The following SPECC1 variants were observed in gnomAD, a reference collection of about 807,000 sequenced individuals.
The protein encoded by SPECC1 is sperm antigen with calponin homology and coiled-coil domains 1, also known as cytospin-B.
SPECC1 carries 62 observed loss-of-function variants against 104.1 expected under a neutral mutation model. The ratio of observed to expected loss-of-function variants is 0.60; its 90% CI spans 0.49 to 0.74. SPECC1 has a LOEUF of 0.74. Among genes scored for constraint, SPECC1 ranks in the 30% least tolerant of loss-of-function variants. SPECC1 has a pLI of 0.00. For missense variants in SPECC1, 1,306 were observed against 1,310.5 expected, an observed-to-expected ratio of 1.00 and a Z score of 0.05; for synonymous variants, 513 against 501.6, an observed-to-expected ratio of 1.02 and a Z score of -0.30.
intron 1 of SPECC1, among the ~76,000 whole-genome samples, chr17:20,088,779 T>C (rs2047282768): frequency 6.6e-6 from 1 of 152,070 alleles, no homozygotes; most frequent in South Asian, 2.1e-4. Context: ...CCCCCCAAAA[T>C]TTATCTGTTG....
At chr17:20,083,086 C>G (rs2047047341) in intron 1 of SPECC1, among the ~76,000 whole-genome samples, 1 of 152,064 alleles carries the variant, frequency 6.6e-6, no homozygotes, top group Non-Finnish European at 1.5e-5. Context: ...CTGACCACAC[C>G]AACTATATCT....
chr17:20,181,007 AAG>A (rs1022511084), intron 3 of SPECC1, among the ~76,000 whole-genome samples: 12 of 152,276 alleles, frequency 7.9e-5, no homozygotes, highest in Admixed American at 7.2e-4. Context: ...GGTAAAAAAA[AAG>A]AGATGATTAT....
At position 20,050,599 on chromosome 17, in the gene SPECC1, A is replaced by G. The variant is rs1190522208; in HGVS notation, c.-22+41175A>G. Among the ~76,000 whole-genome samples the G allele has an allele frequency of 2.0e-5, 3 of 152,334 alleles. No homozygotes were observed. In the East Asian group the frequency reaches 5.8e-4, roughly 29 times the overall value. ...ACAATCTGCTATTCATTGTTAGGGCATGTGTTTAGTTACCTACTTTGAATT... is the reference window on the plus strand; with the variant it reads ...ACAATCTGCTATTCATTGTTAGGGCGTGTGTTTAGTTACCTACTTTGAATT... On this transcript the variant is annotated intron_variant, in intron 1 of 14. Transcript: ENST00000395527.
Position 20,134,651 on chromosome 17 carries a change from A to G in SPECC1, c.283+24089A>G, listed in dbSNP as rs543569469. Among the ~76,000 whole-genome samples the G allele has an allele frequency of 3.7e-4, 56 of 152,124 alleles. No homozygotes were observed. In the South Asian group the frequency reaches 4.8e-3, roughly 13 times the overall value. On this transcript the variant is annotated intron_variant, in intron 3 of 14. Transcript: ENST00000395527. ...TATTTTTTTGAGACAGGGTCTCACTATGTTGCCCAGGCTAGTCTCCAACTC... is the reference window on the plus strand; with the variant it reads ...TATTTTTTTGAGACAGGGTCTCACTGTGTTGCCCAGGCTAGTCTCCAACTC...
Position 20,232,317 on chromosome 17 carries a change from G to C in SPECC1, c.2263G>C (p.Glu755Gln). ...ELRTVKRKLL[E>Q]EEEKNARLQK... ...GCGCACCGTGAAGAGGAAACTGCTG[G>C]AGGAGGAGGAGAAGAATGCCCGGTT... The change falls in exon 7 of 15, where the codon GAG (glutamate) becomes CAG (glutamine). Residue 755 changes from glutamate (E) to glutamine (Q), a missense_variant. This residue lies in a region of SPECC1 where 1,177 missense variants were observed against 1,139.9 expected (regional missense o/e 1.03). Transcript: ENST00000395527. The C allele has an allele frequency of 6.2e-7, 1 of 1,614,166 alleles. No homozygotes were observed. The highest frequency in any genetic ancestry group is 8.5e-7 in the Non-Finnish European group (1 of 1,180,024).
At position 20,260,218 on chromosome 17, in the gene SPECC1, C is replaced by G. The variant is rs1386683432; in HGVS notation, c.2864C>G (p.Ala955Gly). The G allele has an allele frequency of 8.7e-6, 14 of 1,613,780 alleles. No homozygotes were observed. Among genetic ancestry groups the G allele is most frequent in the Non-Finnish European group, 1.2e-5 (14 of 1,179,868 alleles). The change falls in exon 12 of 15, where the codon GCC becomes GGC. Residue 955 changes from alanine to glycine, a missense_variant. Physicochemically the swap from Ala to Gly is moderately conservative, Grantham distance 60 (BLOSUM62 0). This residue lies in a region of SPECC1 where 129 missense variants were observed against 170.6 expected (regional missense o/e 0.76). Coordinates refer to ENST00000395527, the MANE Select transcript of SPECC1 (RefSeq NM_001243439.2). Reference sequence around the variant, plus strand: ...GTGGAAAGAAAAGACCCTCTGGCAGCCTTGGCCCGGGAATACGGTGGTTCC... The same window carrying G: ...GTGGAAAGAAAAGACCCTCTGGCAGGCTTGGCCCGGGAATACGGTGGTTCC... ...LSVERKDPLA[A>G]LAREYGGSKR...
chr17:20,015,670 T>C (rs2044094573), intron 1 of SPECC1, among the ~76,000 whole-genome samples: 1 of 144,912 alleles, frequency 6.9e-6, no homozygotes, highest in Non-Finnish European at 1.5e-5. Context: ...CTGCAAGCTC[T>C]GCCTCCCAGG....
chr17:20,051,072 CTTT>C (rs2045730372), intron 1 of SPECC1, among the ~76,000 whole-genome samples: 2 of 57,118 alleles, frequency 3.5e-5, no homozygotes, highest in Non-Finnish European at 7.3e-5. Context: ...CTTTCTTTTT[CTTT>C]CTTTCTTTCT....
chr17:20,120,205 G>A (rs1006745453), intron 3 of SPECC1, among the ~76,000 whole-genome samples: 4 of 152,124 alleles, frequency 2.6e-5, no homozygotes, highest in Admixed American at 1.3e-4. Context: ...CCAACATGGC[G>A]AAACCCCTTC....
chr17:20,085,431 T>G (rs2047140278), intron 1 of SPECC1, among the ~76,000 whole-genome samples: 1 of 152,248 alleles, frequency 6.6e-6, no homozygotes, highest in Admixed American at 6.5e-5. Context: ...GTTGCTGTAC[T>G]TGCTGTTCCT....
At chr17:20,116,923 G>C (rs888966438) in intron 3 of SPECC1, among the ~76,000 whole-genome samples, 15 of 149,610 alleles carry the variant, frequency 1.0e-4, no homozygotes, top group Non-Finnish European at 2.1e-4. Context: ...CGTCCCTGCA[G>C]TGGAGAGTGT....
intron 3 of SPECC1, among the ~76,000 whole-genome samples, chr17:20,193,745 T>C (rs1181454535): frequency 6.6e-6 from 1 of 152,216 alleles, no homozygotes; most frequent in East Asian, 1.9e-4. Flanking sequence ...AGTAAAGTTA[T>C]TCCAAGTAAA....
intron 3 of SPECC1, among the ~76,000 whole-genome samples, chr17:20,117,588 A>G (rs1196866006): frequency 6.6e-6 from 1 of 151,834 alleles, no homozygotes; most frequent in African/African-American, 2.4e-5. Flanking sequence ...GGAGTTGAAG[A>G]CCAGCCTGGG....
chr17:20,066,146 T>C (rs921541505), intron 1 of SPECC1, among the ~76,000 whole-genome samples: 2 of 152,186 alleles, frequency 1.3e-5, no homozygotes, highest in Admixed American at 6.5e-5. Flanking sequence ...GCTTTTTACC[T>C]TTTTTACAAA....
intron 1 of SPECC1, among the ~76,000 whole-genome samples, chr17:20,054,047 C>T (rs1039843011): frequency 6.6e-6 from 1 of 152,166 alleles, no homozygotes; most frequent in East Asian, 1.9e-4. Flanking sequence ...TTGATTCAGC[C>T]TGTTCTGATT....
chr17:20,059,073 C>T (rs2046082865), intron 1 of SPECC1, among the ~76,000 whole-genome samples: 1 of 151,882 alleles, frequency 6.6e-6, no homozygotes, highest in Admixed American at 6.6e-5. Context: ...ATCTCCTGAC[C>T]TCGTGATCCG....
intron 3 of SPECC1, among the ~76,000 whole-genome samples, chr17:20,165,211 C>G (rs1162618799): frequency 7.2e-6 from 1 of 138,168 alleles, no homozygotes; most frequent in Non-Finnish European, 1.5e-5. Context: ...TACCCCCGCC[C>G]TGACAGGCCC....
At chr17:20,175,193 A>G (rs868342272) in intron 3 of SPECC1, among the ~76,000 whole-genome samples, 14 of 152,086 alleles carry the variant, frequency 9.2e-5, no homozygotes, top group African/African-American at 3.1e-4. Flanking sequence ...AGTCATGCCA[A>G]AGCTCCTGAT....
intron 8 of SPECC1, among the ~76,000 whole-genome samples, chr17:20,246,469 C>A (rs1273201263): frequency 6.6e-6 from 1 of 152,174 alleles, no homozygotes; most frequent in Non-Finnish European, 1.5e-5. Flanking sequence ...CTGCACCTGG[C>A]CCTCTTGGAG....
Sources: gnomAD v4.1 joint callset for allele counts (sites outside exome capture counted in the v4.1 genomes callset) on GRCh38, gnomAD v4.1.1 for gene constraint, gnomAD v4.1.1 regional missense constraint, MANE v1.5 for transcripts, NCBI Gene and HGNC (gene_info 2026-07-23, HGNC 2026-07-21) for gene names.